SORCS2: variants seen among roughly 807,000 people sequenced by gnomAD.
SORCS2 encodes the protein sortilin related VPS10 domain containing receptor 2, also known as VPS10 domain-containing receptor SorCS2.
SORCS2 carries 100 observed loss-of-function variants against 141.6 expected under a neutral mutation model. The observed-to-expected ratio is 0.71, with a 90% CI of 0.60 to 0.83. The LOEUF (loss-of-function observed/expected upper bound fraction) is 0.83. Ranked by LOEUF, SORCS2 falls within the 40% of genes least tolerant of loss-of-function variation. The pLI is 0.00. For synonymous variants in SORCS2, 789 were observed against 676.9 expected, an observed-to-expected ratio of 1.17 and a Z score of -2.57; for missense variants, 1,646 against 1,560.2, an observed-to-expected ratio of 1.05 and a Z score of -0.93.
intron 2 of SORCS2, among the ~76,000 whole-genome samples, chr4:7,484,641 T>G (rs983675760): frequency 6.6e-6 from 1 of 152,100 alleles, no homozygotes; most frequent in Admixed American, 6.5e-5. Flanking sequence ...CTTTCTAACC[T>G]CCTCCGTTCT....
At chr4:7,480,132 G>A (rs1331373273) in intron 2 of SORCS2, among the ~76,000 whole-genome samples, 1 of 152,230 alleles carries the variant, frequency 6.6e-6, no homozygotes, top group Non-Finnish European at 1.5e-5. Flanking sequence ...TGGGCCTGGA[G>A]TGGAGCGGCT....
At position 7,201,702 on chromosome 4, in the gene SORCS2, C is replaced by T. The variant is rs1264464218; in HGVS notation, c.480+8576C>T. Among the ~76,000 whole-genome samples the T allele has an allele frequency of 4.6e-5, 7 of 152,304 alleles. No homozygotes were observed. In the East Asian group the frequency reaches 1.4e-3, roughly 29 times the overall value. ...GCCGCCTTGTCTTTCTTTTTTCAGACTCCAAAGGATGAGTTATTTATAGGT... is the reference window on the plus strand; with the variant it reads ...GCCGCCTTGTCTTTCTTTTTTCAGATTCCAAAGGATGAGTTATTTATAGGT... On this transcript the variant is annotated intron_variant, in intron 1 of 26. Coordinates refer to ENST00000507866, the MANE Select transcript of SORCS2 (RefSeq NM_020777.3). The surrounding 1 kb of genome is among the most constrained non-coding windows in gnomAD (Gnocchi z 4.4).
intron 1 of SORCS2, among the ~76,000 whole-genome samples, chr4:7,289,627 C>T (rs2108874839): frequency 6.6e-6 from 1 of 152,292 alleles, no homozygotes; most frequent in Middle Eastern, 3.4e-3. Context: ...CCCTCCCAGG[C>T]CCAGGGCAAA....
chr4:7,257,229 C>T (rs1449958504), intron 1 of SORCS2, among the ~76,000 whole-genome samples: 1 of 152,144 alleles, frequency 6.6e-6, no homozygotes, highest in East Asian at 1.9e-4. Context: ...TGCAAACCAG[C>T]AGGACGGATC....
At position 7,193,160 on chromosome 4, in the gene SORCS2, A is replaced by G. The variant is rs1427625508; in HGVS notation, c.480+34A>G. On this transcript the variant is annotated intron_variant, in intron 1 of 26. Transcript: ENST00000507866. The surrounding 1 kb of genome is among the most constrained non-coding windows in gnomAD (Gnocchi z 4.8). ...CCTCCACGCGCTCGCCGCGGCCCCTACCCGGGACACCGCGGGACACCCGGG... is the reference window on the plus strand; with the variant it reads ...CCTCCACGCGCTCGCCGCGGCCCCTGCCCGGGACACCGCGGGACACCCGGG... The G allele has an allele frequency of 6.8e-7, 1 of 1,468,658 alleles. No homozygotes were observed. Among genetic ancestry groups the G allele is most frequent in the Non-Finnish European group, 9.0e-7 (1 of 1,115,668 alleles). 91.0% of individuals were successfully genotyped at this position (1,468,658 alleles called of 1,614,324 possible). A position where few individuals can be genotyped will look rare whatever the true frequency, so the allele number is the denominator to read the frequency against.
chr4:7,707,648 C>T (rs1278629937), intron 14 of SORCS2, among the ~76,000 whole-genome samples: 1 of 152,248 alleles, frequency 6.6e-6, no homozygotes, highest in East Asian at 1.9e-4. Flanking sequence ...TGGCTGTGCC[C>T]TGCCCCAGGC....
At position 7,409,926 on chromosome 4, in the gene SORCS2, T is replaced by A. The variant is rs537221015; in HGVS notation, c.548+13571T>A. ...CCGGAAGTCTCCTTGTTTTTTTCTG[T>A]CTTTTAATGTATAGAATTTTAACAT... On this transcript the variant is annotated intron_variant, in intron 2 of 26. Coordinates refer to ENST00000507866, the MANE Select transcript of SORCS2 (RefSeq NM_020777.3). 2.6e-5 allele frequency among the ~76,000 whole-genome samples: 4 copies of A among 152,358 alleles called. No homozygotes were observed. The East Asian group carries it at 7.7e-4, about 29-fold the overall frequency.
chr4:7,625,585 G>A (rs1392034416), intron 3 of SORCS2, among the ~76,000 whole-genome samples: 1 of 151,846 alleles, frequency 6.6e-6, no homozygotes, highest in Non-Finnish European at 1.5e-5. Context: ...CAGGAGCCGG[G>A]TTGCATGGAG....
At chr4:7,290,525 G>A (rs1347670467) in intron 1 of SORCS2, among the ~76,000 whole-genome samples, 1 of 152,050 alleles carries the variant, frequency 6.6e-6, no homozygotes, top group Non-Finnish European at 1.5e-5. Context: ...ATTTCTCCAG[G>A]TCTTTATACC....
intron 1 of SORCS2, among the ~76,000 whole-genome samples, chr4:7,336,971 G>A (rs1387447206): frequency 6.6e-6 from 1 of 152,192 alleles, no homozygotes; most frequent in Non-Finnish European, 1.5e-5. Context: ...TCTCCTTTCA[G>A]CGCGGTGGTG....
intron 1 of SORCS2, among the ~76,000 whole-genome samples, chr4:7,203,563 G>A (rs539562904): frequency 1.4e-5 from 2 of 146,968 alleles, no homozygotes; most frequent in Admixed American, 6.8e-5. Flanking sequence ...GCAGTGAGCC[G>A]AGATCGTGCC....
intron 23 of SORCS2, among the ~76,000 whole-genome samples, chr4:7,732,007 A>G (rs909995911): frequency 5.3e-5 from 8 of 152,232 alleles, no homozygotes; most frequent in African/African-American, 1.9e-4. Context: ...TGGAGTGAAG[A>G]GATGGCCCAC....
At chr4:7,689,669 G>A in intron 11 of SORCS2, 81 bp downstream of exon 11, 2 of 1,341,042 alleles carry the variant, frequency 1.5e-6, no homozygotes, top group Non-Finnish European at 2.1e-6. Flanking sequence ...AAAAAGGGAT[G>A]GTCATGAGCC....
chr4:7,671,664 G>T (rs540554295), intron 8 of SORCS2, among the ~76,000 whole-genome samples: 31 of 152,242 alleles, frequency 2.0e-4, no homozygotes, highest in South Asian at 8.3e-4. Context: ...ATCAAGCTGA[G>T]GAGCAGAAAG....
chr4:7,283,069 ATTCACTCATTTC>A (rs1317720616), intron 1 of SORCS2, among the ~76,000 whole-genome samples: 1 of 147,810 alleles, frequency 6.8e-6, no homozygotes, highest in Non-Finnish European at 1.5e-5. Flanking sequence ...CCATTCATTC[ATTCACTCATTTC>A]TTCACTCATT....
At chr4:7,592,850 A>C (rs1243115907) in intron 3 of SORCS2, among the ~76,000 whole-genome samples, 1 of 152,238 alleles carries the variant, frequency 6.6e-6, no homozygotes, top group Non-Finnish European at 1.5e-5. Flanking sequence ...AATGAATGAC[A>C]TAAACCACCA....
chr4:7,621,008 C>G (rs1158745002), intron 3 of SORCS2, among the ~76,000 whole-genome samples: 1 of 152,022 alleles, frequency 6.6e-6, no homozygotes, highest in Admixed American at 6.5e-5. Context: ...CAGTGGCTGG[C>G]AGGCACGGGG....
chr4:7,624,977 C>T (rs1248889927), intron 3 of SORCS2, among the ~76,000 whole-genome samples: 3 of 152,220 alleles, frequency 2.0e-5, no homozygotes, highest in Non-Finnish European at 4.4e-5. Flanking sequence ...ATCAAGGCTA[C>T]AAAATATCGA....
At chr4:7,498,637 G>C (rs751090052) in intron 2 of SORCS2, among the ~76,000 whole-genome samples, 1 of 152,354 alleles carries the variant, frequency 6.6e-6, no homozygotes, top group South Asian at 2.1e-4. Flanking sequence ...GATCAGCACA[G>C]CTGCCAGCCT....
Sources: allele counts gnomAD v4.1 joint callset (sites outside exome capture counted in the v4.1 genomes callset), GRCh38; gene constraint gnomAD v4.1.1; non-coding constraint Gnocchi (gnomAD v3.1); transcripts MANE v1.5; gene names NCBI Gene and HGNC (gene_info 2026-07-23, HGNC 2026-07-21).